The following TENM4 variants were observed in gnomAD, a reference collection of about 807,000 sequenced individuals.
TENM4 encodes teneurin-4.
Under a neutral mutation model 243.3 loss-of-function variants are expected in TENM4, and 82 were observed. That is an observed-to-expected ratio of 0.34 (90% confidence interval 0.28 to 0.40). The LOEUF is 0.40. Ranked by LOEUF, TENM4 falls within the 10% of genes least tolerant of loss-of-function variation. TENM4 has a pLI of 1.00. For synonymous variants in TENM4, 1,412 were observed against 1,456.3 expected, an observed-to-expected ratio of 0.97 and a Z score of 0.69; for missense variants, 3,138 against 3,673.3, an observed-to-expected ratio of 0.85 and a Z score of 3.77.
intron 6 of TENM4, among the ~76,000 whole-genome samples, chr11:79,003,204 A>G (rs1858379634): frequency 6.6e-6 from 1 of 152,208 alleles, no homozygotes; most frequent in African/African-American, 2.4e-5. Context: ...AAAGAGAGGA[A>G]GAGAAAGCAA....
intron 17 of TENM4, among the ~76,000 whole-genome samples, chr11:78,772,541 G>A (rs1201748943): frequency 6.6e-6 from 1 of 152,120 alleles, no homozygotes; most frequent in Non-Finnish European, 1.5e-5. Flanking sequence ...TGGATCTTCT[G>A]CCATGAATTA....
intron 6 of TENM4, among the ~76,000 whole-genome samples, chr11:79,054,688 C>T (rs947863688): frequency 6.6e-6 from 1 of 152,110 alleles, no homozygotes; most frequent in Non-Finnish European, 1.5e-5. Context: ...TCAAGCGATC[C>T]TCCCGCCTTG....
At chr11:79,075,583 A>G (rs948498346) in intron 4 of TENM4, among the ~76,000 whole-genome samples, 1 of 152,254 alleles carries the variant, frequency 6.6e-6, no homozygotes, top group East Asian at 1.9e-4. Context: ...CAAATTAGGC[A>G]GGTGAGAATG....
chr11:78,695,901 C>G, intron 28 of TENM4, among the ~76,000 whole-genome samples: 1 of 150,508 alleles, frequency 6.6e-6, no homozygotes, highest in Admixed American at 6.6e-5. Context: ...GTTTTCTGAG[C>G]TTTTTGGATC....
Position 79,069,881 on chromosome 11 carries a change from A to G in TENM4, c.64T>C (p.Tyr22His). The G allele has an allele frequency of 6.5e-7, 1 of 1,549,476 alleles. No individual in the cohort carries two copies. Among genetic ancestry groups the G allele is most frequent in the South Asian group, 1.2e-5 (1 of 84,030 alleles). ...TCGCTGTCCGCGGACGAGCTGGTGT[A>G]GCGGCGCTCGGCGTCGCGGCGCCGG... ...LTRRRDAERR[Y>H]TSSSADSEEG... The change falls in exon 5 of 34, where the codon TAC becomes CAC. Residue 22 changes from tyrosine to histidine, a missense_variant. Physicochemically the swap from Tyr to His is moderately conservative, Grantham distance 83. Coordinates refer to ENST00000278550, the MANE Select transcript of TENM4 (RefSeq NM_001098816.3).
chr11:78,841,121 A>G (rs1263048870), intron 12 of TENM4, among the ~76,000 whole-genome samples: 1 of 152,184 alleles, frequency 6.6e-6, no homozygotes, highest in Non-Finnish European at 1.5e-5. Context: ...TCCATATTTT[A>G]CAATTAACTC....
At chr11:78,687,967 G>A in intron 29 of TENM4, 87 bp downstream of exon 29, 1 of 1,475,762 alleles carries the variant, frequency 6.8e-7, no homozygotes. Flanking sequence ...GGCAGCTCCA[G>A]CAGCAGCCTA....
chr11:79,023,561 C>CAAA (rs3985612), intron 6 of TENM4, among the ~76,000 whole-genome samples: 33,151 of 112,692 alleles, frequency 0.29, 4,102 homozygotes, highest in African/African-American at 0.36. Context: ...GGCTCTGTCT[C>CAAA]AAAAAAAAAA....
At chr11:79,428,877 G>A (rs573113922) in intron 1 of TENM4, among the ~76,000 whole-genome samples, 2 of 152,158 alleles carry the variant, frequency 1.3e-5, no homozygotes, top group African/African-American at 4.8e-5. Flanking sequence ...ATTCAGTAAG[G>A]CTGTATTCTA....
chr11:79,009,861 G>A lies in TENM4; in HGVS notation c.493+54877C>T, dbSNP rs571515600. On this transcript the variant is annotated intron_variant, in intron 6 of 33. Coordinates refer to ENST00000278550, the MANE Select transcript of TENM4 (RefSeq NM_001098816.3). ...TGTGTCCCCACCCAAATCTCACCTTGAATTGTAATGATCCCCACATGTCAT... is the reference window on the plus strand; with the variant it reads ...TGTGTCCCCACCCAAATCTCACCTTAAATTGTAATGATCCCCACATGTCAT... Among the ~76,000 whole-genome samples the A allele has an allele frequency of 3.3e-3, 498 of 152,244 alleles. 4 individuals carry two copies. Among genetic ancestry groups the A allele is most frequent in the Non-Finnish European group, 6.3e-3 (430 of 68,012 alleles).
At chr11:79,370,416 G>A (rs1857759078) in intron 1 of TENM4, among the ~76,000 whole-genome samples, 1 of 152,164 alleles carries the variant, frequency 6.6e-6, no homozygotes, top group African/African-American at 2.4e-5. Flanking sequence ...CAGCCCTCCT[G>A]GGGGAAACCT....
intron 12 of TENM4, among the ~76,000 whole-genome samples, chr11:78,835,363 G>A (rs1464796522): frequency 6.6e-6 from 1 of 152,114 alleles, no homozygotes; most frequent in Non-Finnish European, 1.5e-5. Flanking sequence ...AAAATTAGCT[G>A]GGCATGGTGG....
At chr11:79,112,958 G>A (rs1415221118) in intron 4 of TENM4, among the ~76,000 whole-genome samples, 1 of 152,128 alleles carries the variant, frequency 6.6e-6, no homozygotes. Context: ...CTTCCATCAA[G>A]CACTAACTTG....
At chr11:78,774,808 T>C (rs1856709526) in intron 17 of TENM4, among the ~76,000 whole-genome samples, 1 of 152,220 alleles carries the variant, frequency 6.6e-6, no homozygotes, top group African/African-American at 2.4e-5. Flanking sequence ...AGTTAGTTGA[T>C]TCTGTTCTTA....
intron 1 of TENM4, among the ~76,000 whole-genome samples, chr11:79,361,914 T>C (rs72935026): frequency 0.024 from 3,692 of 152,264 alleles, 65 homozygotes; most frequent in Middle Eastern, 0.037. Context: ...ACCTGTATCA[T>C]AGAAATGCAA....
chr11:78,672,646 G>A (rs922877742), intron 30 of TENM4, among the ~76,000 whole-genome samples: 1 of 152,180 alleles, frequency 6.6e-6, no homozygotes, highest in African/African-American at 2.4e-5. Flanking sequence ...CTTCTAATGA[G>A]GACACGTTTT....
intron 32 of TENM4, among the ~76,000 whole-genome samples, chr11:78,665,127 A>C: frequency 6.9e-6 from 1 of 145,870 alleles, no homozygotes; most frequent in African/African-American, 2.5e-5. Context: ...GGCAACAATA[A>C]TCTCCTTCCT....
At chr11:79,334,750 A>C (rs1175445202) in intron 1 of TENM4, among the ~76,000 whole-genome samples, 1 of 152,212 alleles carries the variant, frequency 6.6e-6, no homozygotes, top group African/African-American at 2.4e-5. Context: ...GAACAATCAC[A>C]ATGAACGTTA....
intron 4 of TENM4, among the ~76,000 whole-genome samples, chr11:79,130,379 C>G (rs11512972): frequency 0.24 from 36,786 of 151,680 alleles, 5,634 homozygotes; most frequent in Non-Finnish European, 0.34. Context: ...GGATCTAAAC[C>G]AAGAAGAAAT....
Sources: gnomAD v4.1 joint callset for allele counts (sites outside exome capture counted in the v4.1 genomes callset) on GRCh38, gnomAD v4.1.1 for gene constraint, MANE v1.5 for transcripts, NCBI Gene and HGNC (gene_info 2026-07-23, HGNC 2026-07-21) for gene names.